The following PRRC2B variants were observed in gnomAD, a reference collection of about 807,000 sequenced individuals.
The protein encoded by PRRC2B is protein PRRC2B.
PRRC2B carries 68 observed loss-of-function variants against 242.3 expected under a neutral mutation model. The ratio of observed to expected loss-of-function variants is 0.28; its 90% confidence interval spans 0.23 to 0.34. PRRC2B has a LOEUF of 0.34. Among genes scored for constraint, PRRC2B ranks in the 10% least tolerant of loss-of-function variants. The pLI is 1.00. For missense variants in PRRC2B, 2,835 were observed against 2,954.8 expected (o/e 0.96, Z 0.94); for synonymous variants, 1,228 against 1,173.6 (o/e 1.05, Z -0.95).
chr9:131,407,411 G>A (rs1398852208), intron 1 of PRRC2B, among the ~76,000 whole-genome samples: 1 of 152,134 alleles, frequency 6.6e-6, no homozygotes, highest in African/African-American at 2.4e-5. Context: ...TTTGGAGTGA[G>A]GGTGCATGCT....
chr9:131,469,611 C>T (rs1943484913), intron 13 of PRRC2B, among the ~76,000 whole-genome samples: 1 of 152,132 alleles, frequency 6.6e-6, no homozygotes, highest in African/African-American at 2.4e-5. Context: ...GCAGGTTGGC[C>T]GCCTTTTTGT....
intron 1 of PRRC2B, among the ~76,000 whole-genome samples, chr9:131,383,707 C>T (rs1245923511): frequency 6.6e-6 from 1 of 150,492 alleles, no homozygotes; most frequent in Non-Finnish European, 1.5e-5. Context: ...CTGCAACCTC[C>T]GCCTCATGGG....
rs1434460544 is a variant in PRRC2B, at chr9:131,492,280, A to G, written c.6473+20A>G. On this transcript the variant is annotated intron_variant, in intron 30 of 31. Transcript: ENST00000683519. Reference sequence around the variant, plus strand: ...CTACAGGTAAAGCCACTCCCTGGGGACTGCGTGCTGTGTAGCTGAGCAGTT... The same window carrying G: ...CTACAGGTAAAGCCACTCCCTGGGGGCTGCGTGCTGTGTAGCTGAGCAGTT... The G allele has an allele frequency of 6.3e-7, 1 of 1,595,296 alleles. No individual in the cohort carries two copies. The highest frequency in any genetic ancestry group is 1.7e-5 in the Admixed American group (1 of 59,950).
rs767092537 is a variant in PRRC2B, at chr9:131,473,683, C to T, written c.2283C>T (p.His761=). ...ALQSKGYPLP[H]PKSSDTLAMD... ...AGAGCAAGGGCTACCCGCTCCCGCACCCGAAGTCGAGTGACACCTTGGCTA... is the reference window on the plus strand; with the variant it reads ...AGAGCAAGGGCTACCCGCTCCCGCATCCGAAGTCGAGTGACACCTTGGCTA... Residue 761 remains histidine (H), a synonymous_variant, in exon 15 of 32, where the codon CAC becomes CAT. Transcript: ENST00000683519. 3.5e-5 allele frequency: 56 copies of T among 1,613,772 alleles called. No individual in the cohort carries two copies. The highest frequency in any genetic ancestry group is 4.6e-5 in the Non-Finnish European group (54 of 1,179,876).
At chr9:131,373,728 C>T (rs552023319) in exon 1 of PRRC2B, 44 of 152,356 alleles carry the variant, frequency 2.9e-4, no homozygotes, top group African/African-American at 1.0e-3. Context: ...AGCACCCACG[C>T]CAGGTGAGCC....
At chr9:131,414,616 A>T (rs1278337142) in intron 1 of PRRC2B, among the ~76,000 whole-genome samples, 1 of 147,030 alleles carries the variant, frequency 6.8e-6, no homozygotes, top group Non-Finnish European at 1.5e-5. Flanking sequence ...TGTCGCCCAG[A>T]CTGGAGTGTA....
intron 1 of PRRC2B, among the ~76,000 whole-genome samples, chr9:131,377,792 C>A (rs1156561771): frequency 2.0e-5 from 3 of 152,244 alleles, no homozygotes; most frequent in Middle Eastern, 3.4e-3. Context: ...GTCTTGCCCT[C>A]TCGCCCAGGC....
chr9:131,388,420 C>A (rs112613519), intron 1 of PRRC2B, among the ~76,000 whole-genome samples: 27,625 of 148,412 alleles, frequency 0.19, 4,982 homozygotes, highest in African/African-American at 0.44. Context: ...TTTTGTATTT[C>A]GTAGAGATGG....
rs550034560 is a variant in PRRC2B, at chr9:131,432,809, C to T, written c.293+15C>T. On this transcript the variant is annotated intron_variant, in intron 3 of 31. Transcript: ENST00000683519. ...GACCCAAAGAGGTAAACGGAGGAGG[C>T]GGGTGGTGAGTGGGAGCTGGCGCTC... 2.4e-5 allele frequency: 38 copies of T among 1,612,084 alleles called. 1 individual carries two copies. The highest frequency in any genetic ancestry group is 1.5e-4 in the South Asian group (14 of 90,986).
chr9:131,416,093 C>A (rs527632019), intron 1 of PRRC2B, among the ~76,000 whole-genome samples: 1 of 151,446 alleles, frequency 6.6e-6, no homozygotes, highest in South Asian at 2.1e-4. Flanking sequence ...TCTTCCACCT[C>A]TTCTTCGTTT....
intron 1 of PRRC2B, among the ~76,000 whole-genome samples, chr9:131,405,634 T>TGGTG (rs1352289342): frequency 1.3e-5 from 2 of 152,002 alleles, no homozygotes; most frequent in Non-Finnish European, 2.9e-5. Context: ...AATGCCTGGG[T>TGGTG]GGTGGTGTTT....
chr9:131,495,649 C>A, intron 31 of PRRC2B, 91 bp from the exon 32 acceptor site: 2 of 1,445,120 alleles, frequency 1.4e-6, no homozygotes, highest in Non-Finnish European at 1.9e-6. Context: ...TTCCCTGCAA[C>A]TCAGGAGCAG....
chr9:131,437,764 C>T (rs527838130), intron 4 of PRRC2B, among the ~76,000 whole-genome samples: 7 of 152,302 alleles, frequency 4.6e-5, no homozygotes, highest in African/African-American at 1.7e-4. Flanking sequence ...TTTCCTTGGC[C>T]TAAATCCACT....
intron 1 of PRRC2B, among the ~76,000 whole-genome samples, chr9:131,411,564 T>G: frequency 6.6e-6 from 1 of 151,850 alleles, no homozygotes; most frequent in Non-Finnish European, 1.5e-5. Flanking sequence ...AGGATGGTCT[T>G]GATCTCCTGA....
chr9:131,444,103 G>A lies in PRRC2B; in HGVS notation c.470-82G>A, dbSNP rs996305279. On this transcript the variant is annotated intron_variant, in intron 5 of 31. Transcript: ENST00000683519. ...TCAAAAGCCCACTTCCAGGCAACAC[G>A]GCTTTCAAGGTGTGGAGCTGGGAAG... 33 of 1,515,026 alleles carry A rather than the reference G, an allele frequency of 2.2e-5. No homozygotes were observed. The East Asian group carries it at 3.4e-4, about 16-fold the overall frequency. 93.8% of individuals were successfully genotyped at this position (1,515,026 alleles called of 1,614,324 possible).
At position 131,477,940 on chromosome 9, in the gene PRRC2B, A is replaced by G. The variant is rs1227180839; in HGVS notation, c.4603A>G (p.Asn1535Asp). 3 of 1,613,852 alleles carry G rather than the reference A, an allele frequency of 1.9e-6. No homozygotes were observed. Among genetic ancestry groups the G allele is most frequent in the Non-Finnish European group, 1.7e-6 (2 of 1,179,730 alleles). Residue 1535 changes from asparagine (N) to aspartate (D), a missense_variant, in exon 17 of 32, where the codon AAC becomes GAC. Transcript: ENST00000683519. ...QGEAMKQFDL[N>D]YGSAIIENCG... ...AGAGGCCATGAAACAGTTTGACCTGAACTATGGAAGTAAGTCATCCTCATA... is the reference window on the plus strand; with the variant it reads ...AGAGGCCATGAAACAGTTTGACCTGGACTATGGAAGTAAGTCATCCTCATA...
Position 131,436,654 on chromosome 9 carries a change from C to A in PRRC2B, c.328C>A (p.Leu110Met). Residue 110 changes from leucine to methionine, a missense_variant, in exon 4 of 32, where the codon CTG becomes ATG. This residue lies in a region of PRRC2B where 626 missense variants were observed against 685.5 expected (regional missense o/e 0.91). Transcript: ENST00000683519. ...SATASQPPES[L>M]PQPGLQKSVS... ...GACGGCCTCTCAGCCGCCGGAGTCGCTGCCGCAGCCGGGTTTGCAGAAATC... is the reference window on the plus strand; with the variant it reads ...GACGGCCTCTCAGCCGCCGGAGTCGATGCCGCAGCCGGGTTTGCAGAAATC... The A allele has an allele frequency of 6.2e-7, 1 of 1,614,060 alleles. No individual in the cohort carries two copies. Among genetic ancestry groups the A allele is most frequent in the Non-Finnish European group, 8.5e-7 (1 of 1,179,898 alleles).
Position 131,486,094 on chromosome 9 carries a change from T to A in PRRC2B, c.5768T>A (p.Leu1923His), listed in dbSNP as rs1359980575. ...APSASMPGSH[L>H]PPLYLDGHVF... ...GCCGCTCTGTTTCCAGGCAGCCACC[T>A]CCCGCCCCTGTACCTGGATGGCCAT... Residue 1923 changes from leucine to histidine, a missense_variant, in exon 26 of 32, where the codon CTC becomes CAC. Around this residue, in one of 7 missense-constraint regions of PRRC2B, gnomAD observed 574 missense variants for 626.0 expected, o/e 0.92. Transcript: ENST00000683519. The A allele has an allele frequency of 6.2e-6, 10 of 1,611,710 alleles. No individual in the cohort carries two copies. Among genetic ancestry groups the A allele is most frequent in the Non-Finnish European group, 6.8e-6 (8 of 1,178,666 alleles).
intron 25 of PRRC2B, 122 bp from the exon 26 acceptor site, chr9:131,485,963 C>T: frequency 1.3e-6 from 1 of 745,038 alleles, no homozygotes; most frequent in Non-Finnish European, 2.4e-6. Context: ...CCTCTGTACA[C>T]ACGCCCTCGT....
Sources: allele counts gnomAD v4.1 joint callset (sites outside exome capture counted in the v4.1 genomes callset), GRCh38; gene constraint gnomAD v4.1.1; regional missense constraint gnomAD v4.1.1; transcripts MANE v1.5; gene names NCBI Gene and HGNC (gene_info 2026-07-23, HGNC 2026-07-21).